The following AKAP19 variants were observed in gnomAD, a reference collection of about 807,000 sequenced individuals.
AKAP19 encodes small A-kinase anchoring protein.
At chr2:190,166,758 T>C in the AKAP19 span, among the ~76,000 whole-genome samples, 1 of 152,190 alleles carries the variant, frequency 6.6e-6, no homozygotes, top group Non-Finnish European at 1.5e-5. Flanking sequence ...TGGGACTTCC[T>C]TGATCTGATT....
the AKAP19 span, among the ~76,000 whole-genome samples, chr2:190,005,249 C>G: frequency 8.1e-4 from 124 of 152,296 alleles, no homozygotes; most frequent in Non-Finnish European, 1.5e-3. Context: ...CCGCAGCTGG[C>G]TCAGGTGGCC....
chr2:189,912,187 T>C, the AKAP19 span, among the ~76,000 whole-genome samples: 1 of 152,040 alleles, frequency 6.6e-6, no homozygotes, highest in Non-Finnish European at 1.5e-5. Context: ...ACCAATTCAG[T>C]TTTTTCTTGA....
chr2:190,039,094 A>G, the AKAP19 span, among the ~76,000 whole-genome samples: 1 of 139,416 alleles, frequency 7.2e-6, no homozygotes, highest in South Asian at 2.2e-4. Flanking sequence ...GTTTTTTGAG[A>G]CAGAGTCTTG....
the AKAP19 span, among the ~76,000 whole-genome samples, chr2:190,121,367 C>T: frequency 2.6e-5 from 4 of 152,090 alleles, no homozygotes; most frequent in Non-Finnish European, 4.4e-5. Context: ...CCTGCCTTGG[C>T]CTCCCAAAGT....
chr2:190,071,990 T>C, the AKAP19 span, among the ~76,000 whole-genome samples: 1 of 151,806 alleles, frequency 6.6e-6, no homozygotes, highest in Non-Finnish European at 1.5e-5. Flanking sequence ...TCTTAAAGCA[T>C]GGAACGATTT....
At chr2:189,914,926 AC>A in the AKAP19 span, among the ~76,000 whole-genome samples, 2 of 152,112 alleles carry the variant, frequency 1.3e-5, no homozygotes, top group East Asian at 3.8e-4. Context: ...CTTGTTCTTA[AC>A]AACTTTACAT....
the AKAP19 span, among the ~76,000 whole-genome samples, chr2:190,073,848 TGA>T: frequency 2.0e-5 from 3 of 151,778 alleles, no homozygotes; most frequent in Non-Finnish European, 2.9e-5. Context: ...GTCAGGAGTT[TGA>T]GACCAGCCTG....
chr2:190,193,493 T>C, the AKAP19 span, among the ~76,000 whole-genome samples: 1 of 152,176 alleles, frequency 6.6e-6, no homozygotes, highest in African/African-American at 2.4e-5. Context: ...TACTTCCTCG[T>C]AATGGCCTTG....
the AKAP19 span, among the ~76,000 whole-genome samples, chr2:190,106,784 A>T: frequency 2.0e-5 from 3 of 152,204 alleles, no homozygotes; most frequent in Non-Finnish European, 4.4e-5. Context: ...AATCTAAAAA[A>T]AAATAAGTAC....
chr2:190,099,009 C>A, the AKAP19 span, among the ~76,000 whole-genome samples: 1,794 of 152,334 alleles, frequency 0.012, 30 homozygotes, highest in African/African-American at 0.04. Flanking sequence ...GATTAGGCTT[C>A]AGCTTAAAGG....
the AKAP19 span, chr2:190,095,390 T>C: frequency 1.3e-5 from 2 of 152,182 alleles, no homozygotes; most frequent in Admixed American, 6.5e-5. Context: ...GTGATGGTAT[T>C]TGAAGGTGGG....
the AKAP19 span, among the ~76,000 whole-genome samples, chr2:190,092,726 C>CA: frequency 6.6e-6 from 1 of 152,136 alleles, no homozygotes; most frequent in African/African-American, 2.4e-5. Flanking sequence ...CAGAAGTATT[C>CA]AAAAGTTCCT....
At chr2:190,140,944 C>A in the AKAP19 span, among the ~76,000 whole-genome samples, 2 of 152,260 alleles carry the variant, frequency 1.3e-5, no homozygotes, top group South Asian at 2.1e-4. Context: ...TTTCTTCTGC[C>A]AGGTACCCTA....
At chr2:190,186,097 A>G in the AKAP19 span, among the ~76,000 whole-genome samples, 1 of 152,022 alleles carries the variant, frequency 6.6e-6, no homozygotes, top group Non-Finnish European at 1.5e-5. This position sits in a 1 kb window ranked among gnomAD's most constrained non-coding sequence, Gnocchi z 5.5. Context: ...GATTACAGGC[A>G]TATGCCACCA....
chr2:190,131,632 C>G, the AKAP19 span, among the ~76,000 whole-genome samples: 1 of 152,154 alleles, frequency 6.6e-6, no homozygotes, highest in East Asian at 1.9e-4. Context: ...CATTGGAAGT[C>G]CAATTTATAG....
the AKAP19 span, among the ~76,000 whole-genome samples, chr2:190,011,053 T>C: frequency 0.026 from 3,116 of 117,942 alleles, 39 homozygotes; most frequent in African/African-American, 0.13. Flanking sequence ...TCTCTCTCTT[T>C]TTTTTTTTTT....
chr2:190,143,457 A>C, the AKAP19 span, among the ~76,000 whole-genome samples: 1 of 152,156 alleles, frequency 6.6e-6, no homozygotes, highest in African/African-American at 2.4e-5. Context: ...TTGGCAAATG[A>C]AAGTAGTTAA....
the AKAP19 span, among the ~76,000 whole-genome samples, chr2:190,162,010 T>C: frequency 3.3e-5 from 5 of 152,176 alleles, no homozygotes; most frequent in African/African-American, 9.6e-5. Context: ...TCAAGTTTCC[T>C]CAAAGTAATT....
chr2:190,180,195 C>A, the AKAP19 span, among the ~76,000 whole-genome samples: 605 of 152,374 alleles, frequency 4.0e-3, 4 homozygotes, highest in African/African-American at 0.014. This position sits in a 1 kb window ranked among gnomAD's most constrained non-coding sequence, Gnocchi z 6.8. Flanking sequence ...AGGGCGGAAT[C>A]CCTGGCCTAG....
Sources: gnomAD v4.1 joint callset for allele counts (sites outside exome capture counted in the v4.1 genomes callset) on GRCh38, gnomAD v4.1.1 for gene constraint, Gnocchi (gnomAD v3.1) non-coding constraint, MANE v1.5 for transcripts, NCBI Gene and HGNC (gene_info 2026-07-23, HGNC 2026-07-21) for gene names.